Variants in NCK2 observed in about 807,000 individuals in gnomAD.
NCK2 encodes cytoplasmic protein NCK2.
Under a neutral mutation model 33.9 loss-of-function variants are expected in NCK2, and 16 were observed. The ratio of observed to expected loss-of-function variants is 0.47; its 90% CI spans 0.32 to 0.72. The LOEUF (loss-of-function observed/expected upper bound fraction) is 0.72. Among genes scored for constraint, NCK2 ranks in the 30% least tolerant of loss-of-function variants. The pLI, the probability that NCK2 is intolerant of heterozygous loss-of-function variation, is 0.03. For missense variants in NCK2, 418 were observed against 537.3 expected (o/e 0.78, Z 2.19); for synonymous variants, 273 against 239.9 (o/e 1.14, Z -1.27).
At chr2:105,753,657 GC>G (rs1689521926) in intron 1 of NCK2, among the ~76,000 whole-genome samples, 1 of 152,174 alleles carries the variant, frequency 6.6e-6, no homozygotes, top group Non-Finnish European at 1.5e-5. Flanking sequence ...CTTCCAAGTG[GC>G]CCCCGGACTT....
intron 1 of NCK2, among the ~76,000 whole-genome samples, chr2:105,813,820 G>A (rs1223417583): frequency 6.6e-6 from 1 of 152,238 alleles, no homozygotes; most frequent in Non-Finnish European, 1.5e-5. Flanking sequence ...GTAAAATTTT[G>A]TAGTATTAAG....
At chr2:105,837,585 G>A (rs1442628777) in intron 2 of NCK2, among the ~76,000 whole-genome samples, 1 of 152,106 alleles carries the variant, frequency 6.6e-6, no homozygotes, top group African/African-American at 2.4e-5. Flanking sequence ...TGTCCCTGAG[G>A]CACAGTGCAA....
intron 1 of NCK2, among the ~76,000 whole-genome samples, chr2:105,800,985 G>A (rs1674812445): frequency 6.6e-6 from 1 of 152,122 alleles, no homozygotes; most frequent in Non-Finnish European, 1.5e-5. Flanking sequence ...TTGGAGACAG[G>A]CAAATGTTCT....
rs1014417781 is a variant in NCK2 at position 105,881,644 on chromosome 2, C to T, written c.543C>T (p.Ser181=). 1.2e-6 allele frequency: 2 copies of T among 1,613,314 alleles called. No individual in the cohort carries two copies. The highest frequency in any genetic ancestry group is 1.7e-6 in the Non-Finnish European group (2 of 1,179,584). ...CTGCGGAGTCCCCAAGCTTCCTGAG[C>T]CTGCGCAAGGGCGCCTCGCTGAGCA... ...EAAAESPSFL[S]LRKGASLSNG... Residue 181 remains serine (S), a synonymous_variant, in exon 4 of 5, where the codon AGC becomes AGT. Coordinates refer to ENST00000233154, the MANE Select transcript of NCK2 (RefSeq NM_003581.5).
At chr2:105,752,274 C>T (rs146735851) in intron 1 of NCK2, among the ~76,000 whole-genome samples, 120 of 152,218 alleles carry the variant, frequency 7.9e-4, no homozygotes, top group East Asian at 3.9e-4. Flanking sequence ...TTATAATGGT[C>T]ATTATTATTA....
chr2:105,837,403 A>G (rs1410252465), intron 2 of NCK2, among the ~76,000 whole-genome samples: 1 of 151,932 alleles, frequency 6.6e-6, no homozygotes, highest in Non-Finnish European at 1.5e-5. Flanking sequence ...CCAATTGCAT[A>G]TTGTTTCTCC....
chr2:105,883,511 A>T (rs1261773734), intron 4 of NCK2, among the ~76,000 whole-genome samples: 1 of 152,194 alleles, frequency 6.6e-6, no homozygotes, highest in Non-Finnish European at 1.5e-5. Flanking sequence ...GGTCCCAGTC[A>T]TTATTCTTTC....
At chr2:105,824,004 T>C (rs555465161) in intron 2 of NCK2, among the ~76,000 whole-genome samples, 1 of 152,194 alleles carries the variant, frequency 6.6e-6, no homozygotes, top group Admixed American at 6.5e-5. Flanking sequence ...GAGTCTGCAG[T>C]GGTGACGTCC....
intron 2 of NCK2, among the ~76,000 whole-genome samples, chr2:105,854,232 A>C (rs1677173964): frequency 6.6e-6 from 1 of 152,178 alleles, no homozygotes; most frequent in African/African-American, 2.4e-5. Context: ...TGGATATACC[A>C]CAGTTTATGT....
intron 1 of NCK2, among the ~76,000 whole-genome samples, chr2:105,771,064 A>G (rs1690121029): frequency 6.6e-6 from 1 of 151,972 alleles, no homozygotes; most frequent in African/African-American, 2.4e-5. Flanking sequence ...CTGGGACTAC[A>G]GGCGCCCGCC....
chr2:105,798,648 G>GT (rs1691166957), intron 1 of NCK2, among the ~76,000 whole-genome samples: 2 of 152,178 alleles, frequency 1.3e-5, no homozygotes, highest in South Asian at 4.1e-4. Context: ...GAAGCCTGTG[G>GT]TGAACCCACT....
chr2:105,856,651 G>T (rs560355895), intron 3 of NCK2: 1 of 152,222 alleles, frequency 6.6e-6, no homozygotes, highest in East Asian at 1.9e-4. Flanking sequence ...GTATTTTTGT[G>T]TATGGATTAG....
intron 1 of NCK2, among the ~76,000 whole-genome samples, chr2:105,803,292 T>C (rs757701167): frequency 6.6e-6 from 1 of 152,210 alleles, no homozygotes; most frequent in Non-Finnish European, 1.5e-5. Context: ...GTTTAGCTGC[T>C]GTTTTTTATA....
intron 3 of NCK2, among the ~76,000 whole-genome samples, chr2:105,858,877 C>T (rs1677396744): frequency 6.6e-6 from 1 of 152,182 alleles, no homozygotes; most frequent in Admixed American, 6.5e-5. Flanking sequence ...ATGGGCAAAA[C>T]ATTTGTATAC....
chr2:105,784,772 C>G (rs973183896), intron 1 of NCK2, among the ~76,000 whole-genome samples: 1 of 152,146 alleles, frequency 6.6e-6, no homozygotes, highest in African/African-American at 2.4e-5. Context: ...AGCCACTGTT[C>G]CAGGCCCGTG....
intron 1 of NCK2, among the ~76,000 whole-genome samples, chr2:105,747,646 A>G (rs1429548365): frequency 1.3e-5 from 2 of 152,194 alleles, no homozygotes; most frequent in African/African-American, 4.8e-5. Flanking sequence ...TTTTTTCACA[A>G]ATGAACTGGA....
intron 1 of NCK2, among the ~76,000 whole-genome samples, chr2:105,758,705 TC>T (rs1189915313): frequency 6.6e-6 from 1 of 152,036 alleles, no homozygotes; most frequent in Non-Finnish European, 1.5e-5. Flanking sequence ...ACTGAGCCCG[TC>T]CCGTTTTTGT....
At chr2:105,760,903 C>T (rs763293648) in intron 1 of NCK2, among the ~76,000 whole-genome samples, 3 of 152,054 alleles carry the variant, frequency 2.0e-5, no homozygotes, top group Non-Finnish European at 2.9e-5. Context: ...TCATGCCTTG[C>T]GCTTTGGGAC....
At chr2:105,841,218 G>A (rs1434241157) in intron 2 of NCK2, among the ~76,000 whole-genome samples, 5 of 150,442 alleles carry the variant, frequency 3.3e-5, no homozygotes, top group African/African-American at 5.0e-5. Context: ...CGCCTTAACC[G>A]CCAACCTACC....
Sources: allele counts gnomAD v4.1 joint callset (sites outside exome capture counted in the v4.1 genomes callset), GRCh38; gene constraint gnomAD v4.1.1; transcripts MANE v1.5; gene names NCBI Gene and HGNC (gene_info 2026-07-23, HGNC 2026-07-21).